Variants in PDE7B observed in about 807,000 individuals in gnomAD.
PDE7B encodes phosphodiesterase 7B.
A neutral mutation model predicts 56.2 loss-of-function variants in PDE7B; 29 were observed. The observed-to-expected ratio is 0.52, with a 90% confidence interval of 0.38 to 0.70. The LOEUF is 0.70. Among genes scored for constraint, PDE7B ranks in the 30% least tolerant of loss-of-function variants. PDE7B has a pLI of 0.00. For synonymous variants in PDE7B, 197 were observed against 196.9 expected (o/e 1.00, Z 0.00); for missense variants, 490 against 565.0 (o/e 0.87, Z 1.35).
intron 8 of PDE7B, among the ~76,000 whole-genome samples, chr6:136,169,934 G>T (rs1166924097): frequency 1.3e-5 from 2 of 152,166 alleles, no homozygotes; most frequent in African/African-American, 2.4e-5. Context: ...TTAGTGAAAT[G>T]AATAGCAATA....
At chr6:136,155,867 G>C (rs763558469) in intron 8 of PDE7B, 109 bp downstream of exon 8, 2 of 1,161,988 alleles carry the variant, frequency 1.7e-6, no homozygotes, top group South Asian at 2.6e-5. Context: ...GGTCCTAGAA[G>C]TTCAAAGACG....
At chr6:136,023,464 C>T (rs935248058) in intron 2 of PDE7B, among the ~76,000 whole-genome samples, 2 of 152,174 alleles carry the variant, frequency 1.3e-5, no homozygotes, top group Non-Finnish European at 2.9e-5. Context: ...GAAGTTGTCC[C>T]CAGTCCCATA....
intron 2 of PDE7B, among the ~76,000 whole-genome samples, chr6:135,975,699 C>T (rs1775173878): frequency 1.3e-5 from 2 of 152,172 alleles, no homozygotes; most frequent in South Asian, 4.1e-4. Context: ...ATTAAAACAA[C>T]TTAAGACATT....
At chr6:136,017,357 T>C (rs1226375822) in intron 2 of PDE7B, among the ~76,000 whole-genome samples, 1 of 152,172 alleles carries the variant, frequency 6.6e-6, no homozygotes, top group Non-Finnish European at 1.5e-5. Context: ...TTTTTATTAT[T>C]ATACTTTAAG....
intron 1 of PDE7B, among the ~76,000 whole-genome samples, chr6:135,858,300 G>A (rs1442643676): frequency 6.6e-6 from 1 of 151,822 alleles, no homozygotes; most frequent in Admixed American, 6.6e-5. Flanking sequence ...TTACAGGCAT[G>A]CACCACCACA....
chr6:135,895,398 A>G (rs1340611930), intron 1 of PDE7B, among the ~76,000 whole-genome samples: 8 of 152,164 alleles, frequency 5.3e-5, no homozygotes, highest in Non-Finnish European at 1.0e-4. Context: ...ATAACCTGGA[A>G]CGGGGAGAGA....
chr6:136,115,914 G>A (rs1402216590), intron 3 of PDE7B, among the ~76,000 whole-genome samples: 3 of 152,094 alleles, frequency 2.0e-5, no homozygotes, highest in Admixed American at 6.5e-5. Context: ...AACAAGGACC[G>A]GGGAGATGGG....
At chr6:136,077,495 G>A (rs955002438) in intron 2 of PDE7B, among the ~76,000 whole-genome samples, 1 of 151,850 alleles carries the variant, frequency 6.6e-6, no homozygotes, top group African/African-American at 2.4e-5. Context: ...TTGGATCATT[G>A]TAAGCCTTAG....
chr6:136,147,266 CT>C, intron 3 of PDE7B, 84 bp from the exon 4 acceptor site: 1 of 823,542 alleles, frequency 1.2e-6, no homozygotes, highest in South Asian at 2.2e-5. Flanking sequence ...AATTTCTCTT[CT>C]TTTAATGCAT....
At chr6:136,006,908 C>T (rs1031909913) in intron 2 of PDE7B, among the ~76,000 whole-genome samples, 2 of 152,172 alleles carry the variant, frequency 1.3e-5, no homozygotes, top group African/African-American at 4.8e-5. Context: ...ATTTCTTTCT[C>T]TTGCCTGATT....
intron 2 of PDE7B, among the ~76,000 whole-genome samples, chr6:136,071,544 A>G (rs917463707): frequency 4.6e-5 from 7 of 152,244 alleles, no homozygotes; most frequent in African/African-American, 1.7e-4. Context: ...AAGGCAACAG[A>G]GAGATAGTTC....
intron 1 of PDE7B, among the ~76,000 whole-genome samples, chr6:135,886,686 C>A (rs1439277553): frequency 1.3e-5 from 2 of 152,116 alleles, no homozygotes; most frequent in Non-Finnish European, 2.9e-5. Flanking sequence ...CAAGTTGCTG[C>A]AGAAGACATT....
rs554199906 is a variant in PDE7B, at chr6:136,171,750, T to G, written c.712-2047T>G. Among the ~76,000 whole-genome samples, 75 of 150,688 alleles carry G rather than the reference T, an allele frequency of 5.0e-4. 2 individuals carry two copies. The highest frequency in any genetic ancestry group is 6.4e-4 in the South Asian group (3 of 4,688). On this transcript the variant is annotated intron_variant, in intron 8 of 12. Transcript: ENST00000308191. ...GTGCTGCACCCATTAACTCGTCACT[T>G]AGCATTAGGTATATCTCCTAAAGCT...
chr6:136,134,890 A>G (rs900533020), intron 3 of PDE7B, among the ~76,000 whole-genome samples: 1 of 152,020 alleles, frequency 6.6e-6, no homozygotes, highest in Non-Finnish European at 1.5e-5. Context: ...AGCTCATTCT[A>G]TTCCATGACT....
At chr6:136,131,594 C>T (rs1269089565) in intron 3 of PDE7B, among the ~76,000 whole-genome samples, 2 of 143,436 alleles carry the variant, frequency 1.4e-5, no homozygotes, top group African/African-American at 2.6e-5. Context: ...ATGTACACAA[C>T]AAAAATATTT....
intron 1 of PDE7B, among the ~76,000 whole-genome samples, chr6:135,900,109 T>A (rs1313148218): frequency 1.3e-5 from 2 of 152,112 alleles, no homozygotes; most frequent in Non-Finnish European, 2.9e-5. Flanking sequence ...TTCTGGTTTT[T>A]TTAAAAAAAC....
chr6:135,903,496 T>A (rs1312774275), intron 1 of PDE7B, among the ~76,000 whole-genome samples: 1 of 152,162 alleles, frequency 6.6e-6, no homozygotes, highest in African/African-American at 2.4e-5. Context: ...CTCCTAATAT[T>A]GGGGAAGCTC....
At chr6:136,045,831 A>G (rs892397278) in intron 2 of PDE7B, among the ~76,000 whole-genome samples, 7 of 151,856 alleles carry the variant, frequency 4.6e-5, no homozygotes, top group African/African-American at 1.4e-4. Context: ...ATGAACGTAA[A>G]TCTTCCGTAA....
chr6:135,996,445 T>C (rs1327513115), intron 2 of PDE7B, among the ~76,000 whole-genome samples: 1 of 152,194 alleles, frequency 6.6e-6, no homozygotes, highest in Non-Finnish European at 1.5e-5. Flanking sequence ...ACATATTGTA[T>C]AGACTCCCTA....
Sources: allele counts gnomAD v4.1 joint callset (sites outside exome capture counted in the v4.1 genomes callset), GRCh38; gene constraint gnomAD v4.1.1; transcripts MANE v1.5; gene names NCBI Gene and HGNC (gene_info 2026-07-23, HGNC 2026-07-21).